The following CENPH variants were observed in gnomAD, a reference collection of about 807,000 sequenced individuals.
The protein encoded by CENPH is centromere protein H.
A neutral mutation model predicts 42.9 loss-of-function variants in CENPH; 40 were observed. The ratio of observed to expected loss-of-function variants is 0.93; its 90% CI spans 0.72 to 1.21. The LOEUF is 1.21. Ranked by LOEUF, CENPH falls within the 50% of genes most tolerant of loss-of-function variation. The pLI, the probability that CENPH is intolerant of heterozygous loss-of-function variation, is 0.00. For synonymous variants in CENPH, 88 were observed against 96.5 expected (o/e 0.91, Z 0.52); for missense variants, 302 against 292.9 (o/e 1.03, Z -0.23).
chr5:69,206,339 T>G (rs1234001454), intron 7 of CENPH, among the ~76,000 whole-genome samples: 1 of 149,002 alleles, frequency 6.7e-6, no homozygotes, highest in Non-Finnish European at 1.5e-5. Flanking sequence ...CCGCCACCAC[T>G]CCCAGCTAAT....
chr5:69,191,705 C>T (rs767185633), intron 1 of CENPH, 90 bp from the exon 2 acceptor site: 211 of 741,688 alleles, frequency 2.8e-4, no homozygotes, highest in Non-Finnish European at 1.6e-4. Flanking sequence ...TATCAGCTTC[C>T]GAAAAAGAAT....
intron 3 of CENPH, 96 bp from the exon 4 acceptor site, chr5:69,195,621 G>T (rs1184155622): frequency 4.4e-6 from 3 of 684,580 alleles, no homozygotes; most frequent in East Asian, 2.8e-5. Flanking sequence ...TTAGATAGAG[G>T]TGTTTTACTT....
chr5:69,202,388 G>A (rs1748073588), intron 5 of CENPH, 118 bp from the exon 6 acceptor site: 3 of 633,690 alleles, frequency 4.7e-6, no homozygotes, highest in Non-Finnish European at 5.6e-6. Context: ...TTATCCAAGT[G>A]TACGGTGGAT....
At chr5:69,191,716 G>T in intron 1 of CENPH, 79 bp from the exon 2 acceptor site, 1 of 777,652 alleles carries the variant, frequency 1.3e-6, no homozygotes. Flanking sequence ...GAAAAAGAAT[G>T]AGTTGGTTCG....
chr5:69,191,787 G>C lies in CENPH; in HGVS notation c.135-8G>C. 3.3e-6 allele frequency: 5 copies of C among 1,520,274 alleles called. No individual in the cohort carries two copies. The highest frequency in any genetic ancestry group is 1.1e-5 in the South Asian group (1 of 88,834). The allele number at this position is 1,520,274 out of a possible 1,614,324, so 94.2% of individuals were successfully genotyped here. A position where few individuals can be genotyped will look rare whatever the true frequency, so the allele number is the denominator to read the frequency against. On this transcript the variant is annotated splice_polypyrimidine_tract_variant and splice_region_variant and intron_variant, in intron 1 of 8. Transcript: ENST00000283006. ...ATGTGACTTTATATTCTCTTTATCTGTTTTCAGGCTGAGAGCACAGACAAA... is the reference window on the plus strand; with the variant it reads ...ATGTGACTTTATATTCTCTTTATCTCTTTTCAGGCTGAGAGCACAGACAAA...
intron 2 of CENPH, among the ~76,000 whole-genome samples, 199 bp from the exon 3 acceptor site, chr5:69,194,448 A>G (rs573050785): frequency 6.6e-6 from 1 of 152,236 alleles, no homozygotes; most frequent in South Asian, 2.1e-4. Flanking sequence ...TAGTAATGTT[A>G]AACTGACTGC....
In CENPH at chr5:69,193,017, A is replaced by G. The variant is rs140196867; in HGVS notation, c.190+1167A>G. ...GAGGCTGAGGCAGGAGAATCGCTTG[A>G]ACCTGGGAGGTGGAGGTTGCAGTGA... On this transcript the variant is annotated intron_variant, in intron 2 of 8. Coordinates refer to ENST00000283006, the MANE Select transcript of CENPH (RefSeq NM_022909.4). Among the ~76,000 whole-genome samples, 307 of 151,984 alleles carry G rather than the reference A, an allele frequency of 2.0e-3. 6 individuals are homozygous for G. In the East Asian group the frequency reaches 0.039, roughly 19 times the overall value.
In CENPH at chr5:69,205,219, A is replaced by G. The variant is rs888809212; in HGVS notation, c.487+2249A>G. ...AGGCATGAGCCACCTCGCCTGGCCAACCTTTTTTTGTTTGTTTGTTTTTGT... is the reference window on the plus strand; with the variant it reads ...AGGCATGAGCCACCTCGCCTGGCCAGCCTTTTTTTGTTTGTTTGTTTTTGT... On this transcript the variant is annotated intron_variant, in intron 7 of 8. Transcript: ENST00000283006. 2.0e-5 allele frequency among the ~76,000 whole-genome samples: 3 copies of G among 148,008 alleles called. No individual in the cohort carries two copies. The East Asian group carries it at 6.1e-4, about 30-fold the overall frequency.
chr5:69,203,919 G>T, intron 7 of CENPH, among the ~76,000 whole-genome samples: 1 of 146,362 alleles, frequency 6.8e-6, no homozygotes, highest in South Asian at 2.2e-4. Context: ...ACCACAGTTT[G>T]GTATTTATCA....
intron 3 of CENPH, 95 bp downstream of exon 3, chr5:69,194,790 A>C (rs866724414): frequency 1.3e-6 from 1 of 758,386 alleles, no homozygotes; most frequent in Non-Finnish European, 2.1e-6. Context: ...ACTATCATGC[A>C]GGCTAGAGTG....
rs1224355614 is a variant in CENPH, at chr5:69,189,614, A to T, written c.-21A>T. On this transcript the variant is annotated 5_prime_UTR_variant, in exon 1 of 9. Transcript: ENST00000283006. The stretch of plus-strand genomic sequence containing the variant: ...TGAGCGCGTTTGCCTGTTGAGTGGT[A>T]GCCTTTCCCCTCAACCAGCAATGGA... The T allele has an allele frequency of 6.3e-7, 1 of 1,584,580 alleles. No homozygotes were observed. Among genetic ancestry groups the T allele is most frequent in the Non-Finnish European group, 8.6e-7 (1 of 1,169,196 alleles).
At chr5:69,196,980 C>T in intron 4 of CENPH, 73 bp from the exon 5 acceptor site, 2 of 907,548 alleles carry the variant, frequency 2.2e-6, no homozygotes, top group Non-Finnish European at 3.3e-6. Context: ...CAATCTTTTT[C>T]ATGTTTTGAA....
chr5:69,191,826 G>A lies in CENPH; in HGVS notation c.166G>A (p.Glu56Lys), dbSNP rs771818061. The change falls in exon 2 of 9, where the codon GAA (glutamate) becomes AAA (lysine). Residue 56 changes from glutamate to lysine, a missense_variant. Coordinates refer to ENST00000283006, the MANE Select transcript of CENPH (RefSeq NM_022909.4). Reference sequence around the variant, plus strand: ...AGCACAGACAAAACAACAACTCTTAGAATATAAATCAATGGTTGATGCAAG... The same window carrying A: ...AGCACAGACAAAACAACAACTCTTAAAATATAAATCAATGGTTGATGCAAG... ...LRAQTKQQLL[E>K]YKSMVDASEE... 1 of 1,550,310 alleles carries A rather than the reference G, an allele frequency of 6.5e-7. No homozygotes were observed. Among genetic ancestry groups the A allele is most frequent in the Non-Finnish European group, 8.9e-7 (1 of 1,123,304 alleles).
chr5:69,200,516 A>G (rs1340836998), intron 5 of CENPH, among the ~76,000 whole-genome samples: 2 of 152,102 alleles, frequency 1.3e-5, no homozygotes, highest in Non-Finnish European at 2.9e-5. Flanking sequence ...TAATATGCCT[A>G]AATTTATCTT....
intron 7 of CENPH, among the ~76,000 whole-genome samples, chr5:69,204,042 AT>A (rs1185975553): frequency 0.051 from 3,359 of 66,126 alleles, 197 homozygotes; most frequent in South Asian, 0.091. Flanking sequence ...AATTATATAT[AT>A]TTATATATTA....
chr5:69,206,240 T>A (rs1176206142), intron 7 of CENPH, among the ~76,000 whole-genome samples: 1 of 151,328 alleles, frequency 6.6e-6, no homozygotes, highest in African/African-American at 2.4e-5. Flanking sequence ...TGGAGTGCAA[T>A]GGCGTGATCT....
chr5:69,204,919 C>CTTTTTTTTTTTTTTTTT (rs375795328), intron 7 of CENPH, among the ~76,000 whole-genome samples: 1 of 99,430 alleles, frequency 1.0e-5, no homozygotes, highest in East Asian at 2.9e-4. Context: ...TTTTCTTTTT[C>CTTTTTTTTTTTTTTTTT]TTTTTTTTTT....
intron 7 of CENPH, among the ~76,000 whole-genome samples, chr5:69,206,996 C>T (rs1279318272): frequency 1.3e-5 from 2 of 152,016 alleles, no homozygotes; most frequent in Admixed American, 1.3e-4. Flanking sequence ...AAGAATGAGC[C>T]ACCCATGCTC....
chr5:69,190,296 T>C (rs1359681611), intron 1 of CENPH, among the ~76,000 whole-genome samples: 1 of 152,254 alleles, frequency 6.6e-6, no homozygotes, highest in Non-Finnish European at 1.5e-5. Context: ...CAAATCTGCC[T>C]AACTGCCTAT....
Sources: gnomAD v4.1 joint callset for allele counts (sites outside exome capture counted in the v4.1 genomes callset) on GRCh38, gnomAD v4.1.1 for gene constraint, MANE v1.5 for transcripts, NCBI Gene and HGNC (gene_info 2026-07-23, HGNC 2026-07-21) for gene names.